Variants in TFDP1 observed in about 807,000 individuals in gnomAD.
TFDP1 encodes the protein transcription factor Dp-1, also known as DRTF1-polypeptide 1.
A neutral mutation model predicts 48.0 loss-of-function variants in TFDP1; 6 were observed. The observed-to-expected ratio is 0.13, with a 90% confidence interval of 0.07 to 0.25. The LOEUF (loss-of-function observed/expected upper bound fraction) is 0.25. Ranked by LOEUF, TFDP1 falls within the 10% of genes least tolerant of loss-of-function variation. The pLI, the probability that TFDP1 is intolerant of heterozygous loss-of-function variation, is 1.00. For synonymous variants in TFDP1, 201 were observed against 211.6 expected (o/e 0.95, Z 0.44); for missense variants, 335 against 543.0 (o/e 0.62, Z 3.81).
At chr13:113,613,566 A>T (rs538936054) in intron 3 of TFDP1, among the ~76,000 whole-genome samples, 17 of 141,674 alleles carry the variant, frequency 1.2e-4, no homozygotes, top group Non-Finnish European at 2.6e-4. Context: ...CTGAGTGTGC[A>T]TACGAGTGTG....
At chr13:113,619,749 C>T (rs2048953120) in intron 3 of TFDP1, among the ~76,000 whole-genome samples, 1 of 152,184 alleles carries the variant, frequency 6.6e-6, no homozygotes, top group Non-Finnish European at 1.5e-5. Flanking sequence ...CGTACCCTGC[C>T]CTCTGTCCCG....
rs2048330009 is a variant in TFDP1 at position 113,598,153 on chromosome 13, A to G, written c.12+12304A>G. On this transcript the variant is annotated intron_variant, in intron 2 of 11. Transcript: ENST00000375370. The surrounding 1 kb of genome is among the most constrained non-coding windows in gnomAD (Gnocchi z 4.2). Reference sequence around the variant, plus strand: ...GGCCAAGTTCCCGTCTGGTCCCTCTACTCCCCACCACCCCAGCCCTGGAAA... The same window carrying G: ...GGCCAAGTTCCCGTCTGGTCCCTCTGCTCCCCACCACCCCAGCCCTGGAAA... Among the ~76,000 whole-genome samples the G allele has an allele frequency of 6.6e-6, 1 of 151,312 alleles. No individual in the cohort carries two copies. The highest frequency in any genetic ancestry group is 2.4e-5 in the African/African-American group (1 of 41,088).
At chr13:113,613,663 ATGAG>A (rs1380623328) in intron 3 of TFDP1, among the ~76,000 whole-genome samples, 5 of 122,748 alleles carry the variant, frequency 4.1e-5, no homozygotes, top group East Asian at 2.4e-4. Flanking sequence ...ATGCGTGGGT[ATGAG>A]TGTGTGTGTG....
chr13:113,632,978 T>C, intron 5 of TFDP1, 142 bp from the exon 6 acceptor site: 1 of 980,220 alleles, frequency 1.0e-6, no homozygotes, highest in Non-Finnish European at 1.5e-6. Context: ...CCTGGCCTGC[T>C]CACGTGTTGG....
At chr13:113,615,257 G>A (rs752727476) in intron 3 of TFDP1, among the ~76,000 whole-genome samples, 9 of 152,190 alleles carry the variant, frequency 5.9e-5, no homozygotes, top group Non-Finnish European at 1.2e-4. Context: ...TGTGTGTCTG[G>A]CAGTTCCACT....
At position 113,607,752 on chromosome 13, in the gene TFDP1, G is replaced by A. The variant is rs2048604807; in HGVS notation, c.13-3244G>A. Among the ~76,000 whole-genome samples the A allele has an allele frequency of 6.6e-6, 1 of 152,238 alleles. No homozygotes were observed. The highest frequency in any genetic ancestry group is 1.9e-4 in the East Asian group (1 of 5,186). On this transcript the variant is annotated intron_variant, in intron 2 of 11. Transcript: ENST00000375370. The surrounding 1 kb of genome is among the most constrained non-coding windows in gnomAD (Gnocchi z 5.2). Reference sequence around the variant, plus strand: ...CTGCCCGCAAGGAGGGGCTGTGCCAGTGGGTGGCGGTGACGGGGGCCAGTG... The same window carrying A: ...CTGCCCGCAAGGAGGGGCTGTGCCAATGGGTGGCGGTGACGGGGGCCAGTG...
In TFDP1 at chr13:113,636,046, C is replaced by G; in HGVS notation, c.757C>G (p.Pro253Ala). The G allele has an allele frequency of 6.2e-7, 1 of 1,614,232 alleles. No homozygotes were observed. The highest frequency in any genetic ancestry group is 1.6e-4 in the Middle Eastern group (1 of 6,062). Residue 253 changes from proline (P) to alanine (A), a missense_variant, in exon 9 of 12, where the codon CCC becomes GCC. Physicochemically the swap from Pro to Ala is conservative, Grantham distance 27. Around this residue, in one of 3 missense-constraint regions of TFDP1, gnomAD observed 204 missense variants for 287.1 expected, o/e 0.71. Transcript: ENST00000375370. Reference sequence around the variant, plus strand: ...GCAGCAGGCCAGCCGGCCACCGCCACCCAACTCAGTCATCCACCTGCCCTT... The same window carrying G: ...GCAGCAGGCCAGCCGGCCACCGCCAGCCAACTCAGTCATCCACCTGCCCTT... ...AEQQASRPPPPNSVIHLPFII... is the reference protein window; with the variant it reads ...AEQQASRPPPANSVIHLPFII...
intron 2 of TFDP1, among the ~76,000 whole-genome samples, chr13:113,608,659 G>T (rs1489357580): frequency 6.6e-6 from 1 of 152,140 alleles, no homozygotes; most frequent in African/African-American, 2.4e-5. Context: ...CTGGCCTTAC[G>T]CACCTGGCTG....
chr13:113,587,222 T>G (rs763949963), intron 2 of TFDP1, among the ~76,000 whole-genome samples: 13 of 152,124 alleles, frequency 8.5e-5, no homozygotes, highest in Non-Finnish European at 1.9e-4. Flanking sequence ...GTGGTCCGGC[T>G]CTGCAGGACC....
chr13:113,613,181 T>C (rs540415133), intron 3 of TFDP1, among the ~76,000 whole-genome samples: 4 of 152,322 alleles, frequency 2.6e-5, no homozygotes, highest in Admixed American at 1.3e-4. Context: ...CATATCCAGC[T>C]AATTTTGTAT....
intron 2 of TFDP1, among the ~76,000 whole-genome samples, chr13:113,606,387 T>G (rs1363498042): frequency 1.3e-5 from 2 of 152,174 alleles, no homozygotes; most frequent in Non-Finnish European, 2.9e-5. Context: ...CCTGGTAGGT[T>G]TGGTGTCCAG....
chr13:113,630,044 G>A (rs1566671739), intron 4 of TFDP1, among the ~76,000 whole-genome samples: 2 of 152,168 alleles, frequency 1.3e-5, no homozygotes, highest in African/African-American at 4.8e-5. Flanking sequence ...AATGGCATCT[G>A]CTGAACTCAA....
intron 3 of TFDP1, among the ~76,000 whole-genome samples, chr13:113,614,145 CGTGTGCATGT>C (rs2048794549): frequency 7.0e-6 from 1 of 143,352 alleles, no homozygotes; most frequent in African/African-American, 2.6e-5. Flanking sequence ...GTGTTATGTG[CGTGTGCATGT>C]GTGTGTGTTG....
In TFDP1 at chr13:113,587,462, A is replaced by G. The variant is rs1379195361; in HGVS notation, c.12+1613A>G. Among the ~76,000 whole-genome samples, 3 of 148,790 alleles carry G rather than the reference A, an allele frequency of 2.0e-5. No individual in the cohort carries two copies. In the East Asian group the frequency reaches 6.0e-4, roughly 30 times the overall value. On this transcript the variant is annotated intron_variant, in intron 2 of 11. Transcript: ENST00000375370. ...AGTGAGGTTGTGAACAAGTCAAGGA[A>G]TTTGATGTTTTCGCTAGCTCTTTTT... is the stretch of plus-strand genomic sequence containing the variant.
chr13:113,611,005 A>G lies in TFDP1; in HGVS notation c.22A>G (p.Ile8Val). Residue 8 changes from isoleucine (I) to valine (V), a missense_variant, in exon 3 of 12, where the codon ATT (isoleucine) becomes GTT (valine). Ile to Val is a conservative substitution (Grantham distance 29). Coordinates refer to ENST00000375370, the MANE Select transcript of TFDP1 (RefSeq NM_007111.5). Reference protein sequence around the residue: MAKDAGLIEANGELKVFI... With the variant: MAKDAGLVEANGELKVFI... The stretch of plus-strand genomic sequence containing the variant: ...TTGTTGCTTTCCGCAGGCCGGTCTA[A>G]TTGAAGCCAACGGAGAACTCAAGGT... 6.2e-7 allele frequency: 1 copy of G among 1,614,088 alleles called. No homozygotes were observed. Among genetic ancestry groups the G allele is most frequent in the Non-Finnish European group, 8.5e-7 (1 of 1,180,006 alleles).
chr13:113,629,013 G>A (rs1300299988), intron 4 of TFDP1, among the ~76,000 whole-genome samples: 3 of 152,214 alleles, frequency 2.0e-5, no homozygotes, highest in Non-Finnish European at 2.9e-5. Context: ...TGCCAGGTCC[G>A]GGAGCAAAGC....
At chr13:113,625,301 C>G (rs2049116290) in intron 4 of TFDP1, among the ~76,000 whole-genome samples, 1 of 116,320 alleles carries the variant, frequency 8.6e-6, no homozygotes, top group Non-Finnish European at 1.7e-5. Flanking sequence ...TCAGGTGTCT[C>G]TCACGTGTCC....
chr13:113,636,407 G>T, intron 9 of TFDP1, 127 bp from the exon 10 acceptor site: 2 of 1,113,630 alleles, frequency 1.8e-6, no homozygotes, highest in Non-Finnish European at 2.6e-6. Flanking sequence ...TCTGTGAGGA[G>T]ACACTGATGA....
In TFDP1 at chr13:113,623,284, G is replaced by A. The variant is rs777954214; in HGVS notation, c.184G>A (p.Val62Met). The A allele has an allele frequency of 1.9e-6, 3 of 1,609,968 alleles. No homozygotes were observed. The highest frequency in any genetic ancestry group is 2.5e-6 in the Non-Finnish European group (3 of 1,178,182). ...GQSNVNIAQQ[V>M]VIGTPQRPAA... is the part of the protein sequence containing the mutation. ...GTCCAATGTCAACATTGCCCAGCAA[G>A]TGGTAAGCCTCCCGCAGGAGCGGAC... The change falls in exon 4 of 12, where the codon GTG (valine) becomes ATG (methionine). Residue 62 changes from valine to methionine, a missense_variant and splice_region_variant. Val to Met is a conservative substitution (Grantham distance 21). Transcript: ENST00000375370. The surrounding 1 kb of genome is among the most constrained non-coding windows in gnomAD (Gnocchi z 5.2).
Sources: gnomAD v4.1 joint callset for allele counts (sites outside exome capture counted in the v4.1 genomes callset) on GRCh38, gnomAD v4.1.1 for gene constraint, gnomAD v4.1.1 regional missense constraint, Gnocchi (gnomAD v3.1) non-coding constraint, MANE v1.5 for transcripts, NCBI Gene and HGNC (gene_info 2026-07-23, HGNC 2026-07-21) for gene names.